The following RBFOX2 variants were observed in gnomAD, a reference collection of about 807,000 sequenced individuals.
RBFOX2 encodes the protein RNA binding protein fox-1 homolog 2.
Under a neutral mutation model 49.1 loss-of-function variants are expected in RBFOX2, and 10 were observed. The observed-to-expected ratio is 0.20, with a 90% CI of 0.13 to 0.35. RBFOX2 has a LOEUF of 0.35. Ranked by LOEUF, RBFOX2 falls within the 10% of genes least tolerant of loss-of-function variation. RBFOX2 has a pLI of 1.00. For synonymous variants in RBFOX2, 183 were observed against 187.4 expected, an observed-to-expected ratio of 0.98 and a Z score of 0.19; for missense variants, 323 against 486.9, an observed-to-expected ratio of 0.66 and a Z score of 3.17.
chr22:35,780,930 T>C (rs536917072), intron 3 of RBFOX2, among the ~76,000 whole-genome samples: 2 of 152,222 alleles, frequency 1.3e-5, no homozygotes, highest in African/African-American at 4.8e-5. Context: ...CAATAACGCA[T>C]CCCTGAACCT....
intron 11 of RBFOX2, 131 bp from the exon 14 acceptor site, chr22:35,744,380 C>A: frequency 1.2e-6 from 1 of 825,840 alleles, no homozygotes; most frequent in South Asian, 2.4e-5. Flanking sequence ...CAAGCATTGC[C>A]TTGTGCAGTG....
intron 1 of RBFOX2, among the ~76,000 whole-genome samples, chr22:35,866,977 G>T (rs1207040586): frequency 6.6e-6 from 1 of 152,100 alleles, no homozygotes; most frequent in Non-Finnish European, 1.5e-5. Context: ...TCAATGTCTT[G>T]ATTTCATAAC....
chr22:35,746,438 T>G, intron 10 of RBFOX2, 35 bp downstream of exon 12: 4 of 1,483,808 alleles, frequency 2.7e-6, no homozygotes, highest in Non-Finnish European at 3.7e-6. Flanking sequence ...ACAGCTCTCA[T>G]GCATCCCAAA....
intron 1 of RBFOX2, among the ~76,000 whole-genome samples, chr22:35,888,273 T>C (rs1040427464): frequency 6.6e-6 from 1 of 152,178 alleles, no homozygotes; most frequent in Non-Finnish European, 1.5e-5. Context: ...AGATTACTAT[T>C]TTATACCTTG....
chr22:35,931,925 CA>C, intron 1 of RBFOX2, among the ~76,000 whole-genome samples: 1 of 152,286 alleles, frequency 6.6e-6, no homozygotes, highest in South Asian at 2.1e-4. Context: ...TCACAATCGA[CA>C]ATTTTTTGAA....
chr22:35,835,694 AAAGAG>A (rs1275513959), intron 1 of RBFOX2, among the ~76,000 whole-genome samples: 1 of 152,220 alleles, frequency 6.6e-6, no homozygotes, highest in Non-Finnish European at 1.5e-5. Context: ...GCCAAAAAAG[AAAGAG>A]AAAAGTGTGT....
At chr22:35,775,860 A>AAAAAGAAC (rs1555896239) in intron 4 of RBFOX2, among the ~76,000 whole-genome samples, 2 of 149,128 alleles carry the variant, frequency 1.3e-5, no homozygotes, top group African/African-American at 5.0e-5. Context: ...AAAAAAAAAA[A>AAAAAGAAC]AGAAAAGAAA....
At chr22:35,814,095 A>ATAGT (rs1952468558) in intron 1 of RBFOX2, among the ~76,000 whole-genome samples, 1 of 152,234 alleles carries the variant, frequency 6.6e-6, no homozygotes, top group Admixed American at 6.5e-5. Flanking sequence ...TAAACCACAG[A>ATAGT]TAGTAACAGA....
intron 1 of RBFOX2, among the ~76,000 whole-genome samples, chr22:36,027,288 C>T (rs2059475827): frequency 1.3e-5 from 2 of 152,080 alleles, no homozygotes; most frequent in Admixed American, 6.6e-5. Context: ...CCTATGACTC[C>T]GAGAGAATTA....
Position 35,749,919 on chromosome 22 carries a change from C to T in RBFOX2, c.888-3358G>A, listed in dbSNP as rs1280084104. Reference sequence around the variant, plus strand: ...CCAGCAAAATCACCACGTTCAGACTCGTATTGGCTAACTCTATCTATCCCA... The same window carrying T: ...CCAGCAAAATCACCACGTTCAGACTTGTATTGGCTAACTCTATCTATCCCA... On this transcript the variant is annotated intron_variant, in intron 9 of 11. Coordinates refer to ENST00000405409, the Ensembl canonical transcript of RBFOX2. This position sits in a 1 kb window ranked among gnomAD's most constrained non-coding sequence, Gnocchi z 4.1. Among the ~76,000 whole-genome samples the T allele has an allele frequency of 2.6e-5, 4 of 152,160 alleles. No individual in the cohort carries two copies. Among genetic ancestry groups the T allele is most frequent in the Admixed American group, 6.5e-5 (1 of 15,272 alleles).
chr22:35,776,777 T>C (rs2146971099), intron 4 of RBFOX2, among the ~76,000 whole-genome samples: 1 of 152,330 alleles, frequency 6.6e-6, no homozygotes, highest in Non-Finnish European at 1.5e-5. Context: ...AGGTAAATAT[T>C]TATAGGCTTG....
At position 36,027,410 on chromosome 22, in the gene RBFOX2, C is replaced by G. The variant is rs191290652; in HGVS notation, c.186+830G>C. On this transcript the variant is annotated intron_variant, in intron 1 of 13. Transcript: ENST00000438146. ...AAAGGTTTCAAGGTCTTCTTCAAAA[C>G]TATGAAGTCAGCTGACATCAATACC... Among the ~76,000 whole-genome samples the G allele has an allele frequency of 1.6e-4, 24 of 152,322 alleles. No individual in the cohort carries two copies. In the East Asian group the frequency reaches 3.9e-3, roughly 24 times the overall value.
At chr22:35,784,906 G>A (rs941870492) in intron 2 of RBFOX2, among the ~76,000 whole-genome samples, 4 of 152,256 alleles carry the variant, frequency 2.6e-5, no homozygotes, top group South Asian at 2.1e-4. Context: ...TTTGAGGACC[G>A]TGACAGAGGT....
chr22:36,026,541 T>TACACAC lies in RBFOX2; in HGVS notation c.186+1693_186+1698dup, dbSNP rs3075271. Among the ~76,000 whole-genome samples, 776 of 136,628 alleles carry TACACAC rather than the reference T, an allele frequency of 5.7e-3. 5 individuals carry two copies. Among genetic ancestry groups the TACACAC allele is most frequent in the African/African-American group, 0.013 (442 of 33,994 alleles). 89.6% of individuals were successfully genotyped at this position (136,628 alleles called of 152,430 possible). On this transcript the variant is annotated intron_variant, in intron 1 of 13. Coordinates refer to the RBFOX2 transcript ENST00000438146. ...TTGACAGAAATGATAAATGAATACA[T>TACACAC]ACACACACACACACACACACACACA... is the stretch of plus-strand genomic sequence containing the variant.
chr22:35,784,630 T>C (rs1945980495), intron 2 of RBFOX2, among the ~76,000 whole-genome samples: 1 of 152,264 alleles, frequency 6.6e-6, no homozygotes, highest in Non-Finnish European at 1.5e-5. Context: ...AGATGCTTGG[T>C]GGTCACTATC....
intron 1 of RBFOX2, among the ~76,000 whole-genome samples, chr22:36,013,648 C>CACACACACAG (rs1260073505): frequency 4.7e-5 from 7 of 147,974 alleles, no homozygotes; most frequent in African/African-American, 1.7e-4. Context: ...CACACACACA[C>CACACACACAG]AGAGAGAGAG....
At chr22:35,811,454 G>A (rs554646386) in intron 1 of RBFOX2, among the ~76,000 whole-genome samples, 1 of 152,238 alleles carries the variant, frequency 6.6e-6, no homozygotes, top group South Asian at 2.1e-4. Context: ...CACAGAGCAT[G>A]ACCATCTACA....
intron 1 of RBFOX2, among the ~76,000 whole-genome samples, chr22:35,983,655 C>T (rs990639380): frequency 6.6e-6 from 1 of 152,132 alleles, no homozygotes; most frequent in African/African-American, 2.4e-5. Flanking sequence ...TTTCCTAGAT[C>T]ATCAAATCCT....
intron 1 of RBFOX2, among the ~76,000 whole-genome samples, chr22:35,960,831 C>T (rs2149942666): frequency 6.6e-6 from 1 of 152,182 alleles, no homozygotes; most frequent in Non-Finnish European, 1.5e-5. Flanking sequence ...ACGTTTTCCT[C>T]ATCACTCATC....
Sources: allele counts gnomAD v4.1 joint callset (sites outside exome capture counted in the v4.1 genomes callset), GRCh38; gene constraint gnomAD v4.1.1; non-coding constraint Gnocchi (gnomAD v3.1); transcripts MANE v1.5; gene names NCBI Gene and HGNC (gene_info 2026-07-23, HGNC 2026-07-21).